NRG1: variants seen among roughly 807,000 people sequenced by gnomAD.
The protein encoded by NRG1 is neuregulin 1, also known as pro-neuregulin-1, membrane-bound isoform.
NRG1 carries 18 observed loss-of-function variants against 63.8 expected under a neutral mutation model. That is an observed-to-expected ratio of 0.28 (90% CI 0.19 to 0.42). The LOEUF (loss-of-function observed/expected upper bound fraction) is 0.42. Ranked by LOEUF, NRG1 falls within the 10% of genes least tolerant of loss-of-function variation. The probability of loss-of-function intolerance (pLI) is 1.00; values close to 1 mark genes in which losing one functional copy is unlikely to be tolerated. For missense variants in NRG1, 762 were observed against 814.7 expected (o/e 0.94, Z 0.79); for synonymous variants, 302 against 301.3 (o/e 1.00, Z -0.02).
At chr8:32,548,342 G>T in exon 1 of NRG1, 1 of 1,007,766 alleles carries the variant, frequency 9.9e-7, no homozygotes, top group Non-Finnish European at 1.2e-6. Context: ...TCGCGCGGAG[G>T]CCAGGAGCTG....
chr8:32,022,485 C>T (rs2130246132), intron 1 of NRG1, among the ~76,000 whole-genome samples: 1 of 152,122 alleles, frequency 6.6e-6, no homozygotes, highest in East Asian at 1.9e-4. Flanking sequence ...AAAGGTAAAT[C>T]TAGTATCAGA....
At chr8:32,158,644 AC>A in intron 1 of NRG1, among the ~76,000 whole-genome samples, 1 of 151,510 alleles carries the variant, frequency 6.6e-6, no homozygotes, top group African/African-American at 2.4e-5. Flanking sequence ...ACATACATAC[AC>A]ACTATACTGA....
intron 1 of NRG1, among the ~76,000 whole-genome samples, chr8:32,316,511 T>C (rs907147860): frequency 6.6e-6 from 1 of 151,566 alleles, no homozygotes; most frequent in African/African-American, 2.4e-5. Flanking sequence ...GGATTCCTGG[T>C]TCCTGACAGG....
At chr8:32,452,549 T>C (rs1470536552) in intron 1 of NRG1, among the ~76,000 whole-genome samples, 7 of 152,116 alleles carry the variant, frequency 4.6e-5, no homozygotes, top group Admixed American at 2.6e-4. Flanking sequence ...AAGTGAGAAA[T>C]AGCTAATCCT....
chr8:32,220,920 A>G (rs200938892), intron 1 of NRG1: 1 of 152,192 alleles, frequency 6.6e-6, no homozygotes, highest in Non-Finnish European at 1.5e-5. Context: ...AAGAATTGCA[A>G]AAGCAATATG....
intron 5 of NRG1, among the ~76,000 whole-genome samples, chr8:32,694,284 G>T (rs867864845): frequency 1.3e-5 from 2 of 152,106 alleles, no homozygotes; most frequent in Non-Finnish European, 2.9e-5. Flanking sequence ...GATGTTCATC[G>T]TAATACTTTG....
chr8:32,302,277 G>T (rs1394793294), intron 1 of NRG1, among the ~76,000 whole-genome samples: 1 of 152,166 alleles, frequency 6.6e-6, no homozygotes, highest in Non-Finnish European at 1.5e-5. Context: ...AGAGCAGCCA[G>T]GGAATCCTAA....
chr8:31,789,333 T>G (rs137990601), intron 1 of NRG1, among the ~76,000 whole-genome samples: 16 of 152,332 alleles, frequency 1.1e-4, no homozygotes, highest in African/African-American at 3.8e-4. Context: ...TTCTTAGCTG[T>G]GGCTGTAGCA....
intron 1 of NRG1, among the ~76,000 whole-genome samples, chr8:31,837,837 A>G (rs1304547243): frequency 1.3e-5 from 2 of 152,098 alleles, no homozygotes; most frequent in South Asian, 2.1e-4. Flanking sequence ...GCTGAATAGT[A>G]TTCCATTGTG....
At chr8:32,757,953 G>A (rs1829978159) in intron 9 of NRG1, among the ~76,000 whole-genome samples, 1 of 152,172 alleles carries the variant, frequency 6.6e-6, no homozygotes, top group Admixed American at 6.5e-5. Flanking sequence ...GGGACTGGAA[G>A]TAGGTCACTG....
intron 1 of NRG1, among the ~76,000 whole-genome samples, chr8:32,224,688 A>G (rs921738859): frequency 2.0e-5 from 3 of 152,202 alleles, no homozygotes; most frequent in Non-Finnish European, 4.4e-5. Flanking sequence ...AGGATCACTC[A>G]AAGATGAGAA....
intron 1 of NRG1, among the ~76,000 whole-genome samples, chr8:32,553,405 C>A (rs1350229576): frequency 6.6e-6 from 1 of 152,090 alleles, no homozygotes; most frequent in Admixed American, 6.6e-5. Flanking sequence ...AAGCTGACCT[C>A]AGATTACAGT....
intron 1 of NRG1, among the ~76,000 whole-genome samples, chr8:32,216,741 G>GAT (rs1008934188): frequency 6.6e-6 from 1 of 150,680 alleles, no homozygotes; most frequent in Admixed American, 6.6e-5. Flanking sequence ...ACATTATTGT[G>GAT]ATATATATAT....
At chr8:32,631,840 A>AT (rs1443699687) in intron 5 of NRG1, among the ~76,000 whole-genome samples, 1 of 152,196 alleles carries the variant, frequency 6.6e-6, no homozygotes, top group Non-Finnish European at 1.5e-5. Flanking sequence ...TTTACTACTC[A>AT]TTTAAAAAAT....
chr8:31,888,719 AT>A (rs1463312823), intron 1 of NRG1, among the ~76,000 whole-genome samples: 1 of 151,908 alleles, frequency 6.6e-6, no homozygotes, highest in Non-Finnish European at 1.5e-5. Context: ...CTATAATACG[AT>A]ATATTTGAAT....
chr8:31,924,386 A>G (rs1278572409), intron 1 of NRG1, among the ~76,000 whole-genome samples: 3 of 151,920 alleles, frequency 2.0e-5, no homozygotes, highest in Non-Finnish European at 2.9e-5. Context: ...TTTTATTCAA[A>G]TTGTCAACTT....
At chr8:32,617,929 A>T (rs190444490) in intron 5 of NRG1, among the ~76,000 whole-genome samples, 1 of 152,162 alleles carries the variant, frequency 6.6e-6, no homozygotes, top group Admixed American at 6.5e-5. Flanking sequence ...ATTATCTTTT[A>T]TTGTGTGAAG....
chr8:32,454,222 C>T (rs1230307319), intron 1 of NRG1, among the ~76,000 whole-genome samples: 1 of 152,058 alleles, frequency 6.6e-6, no homozygotes, highest in Non-Finnish European at 1.5e-5. Context: ...CAATTATTTT[C>T]CTTTCTCTTT....
chr8:32,036,032 T>A (rs1051575561), intron 1 of NRG1, among the ~76,000 whole-genome samples: 2 of 152,234 alleles, frequency 1.3e-5, no homozygotes, highest in East Asian at 3.8e-4. Context: ...GTGTCATTAG[T>A]CTGTGTACTC....
Sources: allele counts gnomAD v4.1 joint callset (sites outside exome capture counted in the v4.1 genomes callset), GRCh38; gene constraint gnomAD v4.1.1; transcripts MANE v1.5; gene names NCBI Gene and HGNC (gene_info 2026-07-23, HGNC 2026-07-21).